INSR: variants seen among roughly 807,000 people sequenced by gnomAD.
INSR encodes IR.
Under a neutral mutation model 142.6 loss-of-function variants are expected in INSR, and 67 were observed. The observed-to-expected ratio is 0.47, with a 90% CI of 0.39 to 0.58. The LOEUF is 0.58. Among genes scored for constraint, INSR ranks in the 20% least tolerant of loss-of-function variants. INSR has a pLI of 0.00. For synonymous variants in INSR, 756 were observed against 743.1 expected, an observed-to-expected ratio of 1.02 and a Z score of -0.28; for missense variants, 1,248 against 1,833.2, an observed-to-expected ratio of 0.68 and a Z score of 5.83.
intron 1 of INSR, among the ~76,000 whole-genome samples, chr19:7,289,667 A>G (rs929116673): frequency 3.9e-5 from 6 of 151,998 alleles, no homozygotes; most frequent in Non-Finnish European, 5.9e-5. Context: ...CAGCCTCCCA[A>G]GGTGTTGGGA....
intron 9 of INSR, among the ~76,000 whole-genome samples, chr19:7,162,809 A>C (rs1048718698): frequency 6.6e-6 from 1 of 152,146 alleles, no homozygotes; most frequent in Non-Finnish European, 1.5e-5. Flanking sequence ...AACAAGAGTG[A>C]AACTCCATCT....
chr19:7,154,391 C>A (rs192709230), intron 9 of INSR, among the ~76,000 whole-genome samples: 1 of 145,382 alleles, frequency 6.9e-6, no homozygotes, highest in Admixed American at 6.8e-5. Context: ...CAAGCTCCAC[C>A]GCTTGGGTTC....
rs970198555 is a variant in INSR at position 7,151,768 on chromosome 19, A to G, written c.2231+958T>C. 7.9e-5 allele frequency among the ~76,000 whole-genome samples: 12 copies of G among 151,808 alleles called. No individual in the cohort carries two copies. The South Asian group carries it at 1.0e-3, about 13-fold the overall frequency. On this transcript the variant is annotated intron_variant, in intron 10 of 21. Coordinates refer to ENST00000302850, the MANE Select transcript of INSR (RefSeq NM_000208.4). ...GGGAGAAAAGTCTGCTCGGATGAAT[A>G]GCATTGGTAAACATCTGAACAGATA... is the stretch of plus-strand genomic sequence containing the variant.
chr19:7,181,147 T>C (rs1159991323), intron 3 of INSR, among the ~76,000 whole-genome samples: 3 of 152,152 alleles, frequency 2.0e-5, no homozygotes, highest in South Asian at 2.1e-4. Flanking sequence ...GGTTTCACCA[T>C]GTTGGTCAGG....
intron 2 of INSR, among the ~76,000 whole-genome samples, chr19:7,211,132 T>C (rs538248616): frequency 6.6e-6 from 1 of 152,202 alleles, no homozygotes; most frequent in East Asian, 1.9e-4. Flanking sequence ...CAGTAGCAAG[T>C]CACAGCTCAC....
At chr19:7,174,998 G>A (rs1444171726) in intron 3 of INSR, among the ~76,000 whole-genome samples, 3 of 151,852 alleles carry the variant, frequency 2.0e-5, no homozygotes, top group East Asian at 1.9e-4. Flanking sequence ...GCCCGCCACC[G>A]TGCCTGGCTA....
At chr19:7,149,431 G>A (rs1010065444) in intron 11 of INSR, among the ~76,000 whole-genome samples, 6 of 152,232 alleles carry the variant, frequency 3.9e-5, no homozygotes, top group African/African-American at 1.2e-4. Context: ...CAAAAGCCAC[G>A]ACAGGTAAAC....
intron 2 of INSR, among the ~76,000 whole-genome samples, chr19:7,194,974 T>C (rs901802830): frequency 6.6e-6 from 1 of 151,878 alleles, no homozygotes; most frequent in Non-Finnish European, 1.5e-5. Flanking sequence ...AAAAACCCCA[T>C]CCCCTGTCCT....
rs754746902 is a variant in INSR at position 7,163,105 on chromosome 19, G to A, written c.1956C>T (p.Ile652=). Residue 652 remains isoleucine (I), a synonymous_variant, in exon 9 of 22, where the codon ATC becomes ATT. Coordinates refer to ENST00000302850, the MANE Select transcript of INSR (RefSeq NM_000208.4). ...WKPPSDPNGN[I]THYLVFWERQ... ...TCTCCCAGAAAACCAGGTAGTGGGT[G>A]ATGTTGCCATTGGGGTCGGAGGGTG... The A allele has an allele frequency of 6.2e-7, 1 of 1,613,980 alleles. No individual in the cohort carries two copies. The highest frequency in any genetic ancestry group is 1.3e-5 in the African/African-American group (1 of 74,906).
intron 17 of INSR, 148 bp from the exon 18 acceptor site, chr19:7,123,137 C>CT: frequency 1.5e-6 from 1 of 661,092 alleles, no homozygotes; most frequent in African/African-American, 1.8e-5. Context: ...GCAGACATAC[C>CT]TGCCCGGACA....
In INSR at chr19:7,192,307, G is replaced by GAAAAGAAAAGA. The variant is rs1555748612; in HGVS notation, c.653-7671_653-7670insTCTTTTCTTTT. 2.9e-3 allele frequency among the ~76,000 whole-genome samples: 367 copies of GAAAAGAAAAGA among 128,222 alleles called. 5 individuals are homozygous for GAAAAGAAAAGA. Among genetic ancestry groups the GAAAAGAAAAGA allele is most frequent in the African/African-American group, 0.01 (336 of 32,648 alleles). 84.1% of individuals were successfully genotyped at this position (128,222 alleles called of 152,430 possible). On this transcript the variant is annotated intron_variant, in intron 2 of 21. Transcript: ENST00000302850. This position sits in a 1 kb window ranked among gnomAD's most constrained non-coding sequence, Gnocchi z 4.2. ...GAAAAGAAAAGAAAAGAAAAGAAAA[G>GAAAAGAAAAGA]AAAAAAATCACAGGCAGCCCAGGCT... is the stretch of plus-strand genomic sequence containing the variant.
chr19:7,128,163 C>T (rs557920270), intron 15 of INSR, among the ~76,000 whole-genome samples: 6 of 152,022 alleles, frequency 3.9e-5, no homozygotes, highest in Non-Finnish European at 8.8e-5. Flanking sequence ...TCAGCAAAGA[C>T]GTCACTCATA....
chr19:7,191,397 G>A (rs998814391), intron 2 of INSR, among the ~76,000 whole-genome samples: 3 of 146,934 alleles, frequency 2.0e-5, no homozygotes, highest in Non-Finnish European at 3.0e-5. Context: ...AAAGCCACTC[G>A]GGGTGGCCAC....
intron 1 of INSR, among the ~76,000 whole-genome samples, chr19:7,274,370 G>T (rs1968004104): frequency 6.6e-6 from 1 of 151,848 alleles, no homozygotes; most frequent in African/African-American, 2.4e-5. Flanking sequence ...ACAGGACATG[G>T]ACTGCTACTG....
chr19:7,126,561 C>G, intron 16 of INSR, 23 bp downstream of exon 16: 1 of 1,549,918 alleles, frequency 6.5e-7, no homozygotes, highest in Non-Finnish European at 8.7e-7. Flanking sequence ...TCTGGCCACC[C>G]ACAGGGAAGG....
chr19:7,212,245 C>G (rs8104314), intron 2 of INSR, among the ~76,000 whole-genome samples: 6,393 of 152,154 alleles, frequency 0.042, 450 homozygotes, highest in African/African-American at 0.14. Flanking sequence ...TCATCAAAGC[C>G]GATGGGGCTG....
intron 3 of INSR, among the ~76,000 whole-genome samples, chr19:7,180,011 T>C (rs1320202739): frequency 6.6e-6 from 1 of 152,164 alleles, no homozygotes; most frequent in Non-Finnish European, 1.5e-5. Flanking sequence ...AAGAGACTTA[T>C]GGAGAGAGAC....
In INSR at chr19:7,252,587, C is replaced by A. The variant is rs983927759; in HGVS notation, c.652+14758G>T. On this transcript the variant is annotated intron_variant, in intron 2 of 21. Transcript: ENST00000302850. The stretch of plus-strand genomic sequence containing the variant: ...TTTGCAGGTGGTCAGTAAACAACGC[C>A]GTGCTTCGCACACCGCGTGTGGACA... Among the ~76,000 whole-genome samples, 3 of 152,270 alleles carry A rather than the reference C, an allele frequency of 2.0e-5. 1 individual carries two copies. Among genetic ancestry groups the A allele is most frequent in the African/African-American group, 7.2e-5 (3 of 41,554 alleles).
rs192263193 is a variant in INSR, at chr19:7,115,654, C to A, written c.*1402G>T. The A allele has an allele frequency of 6.6e-6, 1 of 152,286 alleles. No individual in the cohort carries two copies. The highest frequency in any genetic ancestry group is 6.5e-5 in the Admixed American group (1 of 15,294). The allele number at this position is 152,286 out of a possible 1,614,324, so 9.4% of individuals were successfully genotyped here. ...CACAATAACGGTTAGGATGTTCACACCCGGGAGAGGAAACGCCACAAGAGG... is the reference window on the plus strand; with the variant it reads ...CACAATAACGGTTAGGATGTTCACAACCGGGAGAGGAAACGCCACAAGAGG... On this transcript the variant is annotated 3_prime_UTR_variant, in exon 22 of 22. Coordinates refer to ENST00000302850, the MANE Select transcript of INSR (RefSeq NM_000208.4).
Sources: gnomAD v4.1 joint callset for allele counts (sites outside exome capture counted in the v4.1 genomes callset) on GRCh38, gnomAD v4.1.1 for gene constraint, Gnocchi (gnomAD v3.1) non-coding constraint, MANE v1.5 for transcripts, NCBI Gene and HGNC (gene_info 2026-07-23, HGNC 2026-07-21) for gene names.